Variants in COL23A1 observed in about 807,000 individuals in gnomAD.
COL23A1 encodes the protein collagen alpha-1(XXIII) chain.
In COL23A1, 97 loss-of-function variants were observed where a neutral mutation model predicts 99.3. The observed-to-expected ratio is 0.98, with a 90% CI of 0.83 to 1.16. COL23A1 has a LOEUF of 1.16. Among genes scored for constraint, COL23A1 ranks in the 50% most tolerant of loss-of-function variants. The probability of loss-of-function intolerance (pLI) is 0.00; values close to 1 mark genes in which losing one functional copy is unlikely to be tolerated. For missense variants in COL23A1, 762 were observed against 757.4 expected, an observed-to-expected ratio of 1.01 and a Z score of -0.07; for synonymous variants, 320 against 308.2, an observed-to-expected ratio of 1.04 and a Z score of -0.40.
At chr5:178,332,241 G>A (rs991422186) in intron 2 of COL23A1, among the ~76,000 whole-genome samples, 1 of 152,128 alleles carries the variant, frequency 6.6e-6, no homozygotes, top group Non-Finnish European at 1.5e-5. Context: ...CACAGCGCAA[G>A]CCCCACCTTC....
intron 1 of COL23A1, among the ~76,000 whole-genome samples, chr5:178,570,141 C>T (rs928923133): frequency 2.0e-4 from 30 of 147,068 alleles, no homozygotes; most frequent in Admixed American, 1.4e-3. Context: ...GAAACAGGGT[C>T]TTGCTCTGTC....
chr5:178,431,631 C>G (rs1766270764), intron 2 of COL23A1, among the ~76,000 whole-genome samples: 1 of 152,204 alleles, frequency 6.6e-6, no homozygotes. Context: ...GGAACGCTGG[C>G]AGCGGCCAGG....
chr5:178,279,511 C>T (rs765173065), intron 5 of COL23A1, among the ~76,000 whole-genome samples: 2 of 152,212 alleles, frequency 1.3e-5, no homozygotes, highest in Non-Finnish European at 2.9e-5. Flanking sequence ...CACCTTGCAG[C>T]GCCTGGTTCA....
chr5:178,283,371 C>T (rs904060876), intron 5 of COL23A1, among the ~76,000 whole-genome samples: 1 of 152,220 alleles, frequency 6.6e-6, no homozygotes, highest in African/African-American at 2.4e-5. Context: ...CTTGCTCCAA[C>T]TTCATGACCT....
chr5:178,540,841 C>T (rs1761245396), intron 2 of COL23A1, among the ~76,000 whole-genome samples: 1 of 152,284 alleles, frequency 6.6e-6, no homozygotes. Flanking sequence ...GTGGGAGGAT[C>T]GCCTGAGCTT....
chr5:178,300,819 C>T lies in COL23A1; in HGVS notation c.406+6056G>A, dbSNP rs189960408. ...CCTCATGTGATCCTCCTGCCTTGGC[C>T]TCCCAAAGTGCTGGGATTACAGGCG... On this transcript the variant is annotated intron_variant, in intron 3 of 28. Coordinates refer to ENST00000390654, the MANE Select transcript of COL23A1 (RefSeq NM_173465.4). Among the ~76,000 whole-genome samples the T allele has an allele frequency of 9.2e-5, 14 of 152,252 alleles. No homozygotes were observed. In the South Asian group the frequency reaches 1.5e-3, roughly 16 times the overall value.
intron 2 of COL23A1, among the ~76,000 whole-genome samples, chr5:178,435,651 T>C (rs1280403285): frequency 1.3e-5 from 2 of 152,274 alleles, no homozygotes; most frequent in South Asian, 2.1e-4. Context: ...GCAGAATTTC[T>C]GATGAGGAAA....
chr5:178,504,489 G>A (rs535845808), intron 2 of COL23A1, among the ~76,000 whole-genome samples: 20 of 152,262 alleles, frequency 1.3e-4, no homozygotes, highest in African/African-American at 4.1e-4. Flanking sequence ...CCCTGCACAG[G>A]AAAGGGCTGC....
intron 9 of COL23A1, among the ~76,000 whole-genome samples, 173 bp from the exon 10 acceptor site, chr5:178,262,425 T>C (rs902127083): frequency 8.5e-5 from 13 of 152,168 alleles, no homozygotes; most frequent in African/African-American, 3.1e-4. Flanking sequence ...AATGTTAGGC[T>C]GGGGAAGCCA....
chr5:178,272,567 C>T (rs1271016919), intron 5 of COL23A1, among the ~76,000 whole-genome samples: 2 of 152,020 alleles, frequency 1.3e-5, no homozygotes, highest in East Asian at 1.9e-4. Context: ...CTGGGGGCCC[C>T]GGGTCAGGGC....
intron 2 of COL23A1, among the ~76,000 whole-genome samples, chr5:178,324,891 TTC>T (rs1422731494): frequency 2.0e-5 from 3 of 152,158 alleles, no homozygotes. Flanking sequence ...ACATCCACAG[TTC>T]CTGCCCACCC....
intron 11 of COL23A1, among the ~76,000 whole-genome samples, chr5:178,260,805 A>G (rs1765584939): frequency 6.6e-6 from 1 of 152,160 alleles, no homozygotes; most frequent in Non-Finnish European, 1.5e-5. Flanking sequence ...AAAAAAAAAG[A>G]TAAAAGATCA....
At chr5:178,248,397 A>C in intron 19 of COL23A1, 143 bp from the exon 20 acceptor site, 1 of 605,476 alleles carries the variant, frequency 1.7e-6, no homozygotes, top group Non-Finnish European at 2.9e-6. Context: ...AGTTTTCCCT[A>C]CATCCATGTG....
chr5:178,239,111 G>C (rs73336873), intron 28 of COL23A1, 30 bp downstream of exon 28: 98,031 of 1,603,006 alleles, frequency 0.061, 3,226 homozygotes, highest in Non-Finnish European at 0.068. Flanking sequence ...CCTCTCCCAA[G>C]CCTGCCCTGG....
chr5:178,240,106 G>A (rs1055954632), intron 27 of COL23A1, among the ~76,000 whole-genome samples: 1 of 152,126 alleles, frequency 6.6e-6, no homozygotes, highest in Non-Finnish European at 1.5e-5. Flanking sequence ...GCTATCTAGC[G>A]GCACCTGTGG....
At chr5:178,271,639 C>T (rs1017401455) in intron 5 of COL23A1, among the ~76,000 whole-genome samples, 2 of 152,136 alleles carry the variant, frequency 1.3e-5, no homozygotes, top group South Asian at 2.1e-4. Context: ...AAAATGTGTG[C>T]GAAGTCAAAC....
At position 178,306,960 on chromosome 5, in the gene COL23A1, C is replaced by T. The variant is rs1033922534; in HGVS notation, c.362-41G>A. 3 of 1,435,412 alleles carry T rather than the reference C, an allele frequency of 2.1e-6. No homozygotes were observed. Among genetic ancestry groups the T allele is most frequent in the African/African-American group, 1.5e-5 (1 of 67,440 alleles). 88.9% of individuals were successfully genotyped at this position (1,435,412 alleles called of 1,614,324 possible). A position where few individuals can be genotyped will look rare whatever the true frequency, so the allele number is the denominator to read the frequency against. On this transcript the variant is annotated intron_variant, in intron 2 of 28. Coordinates refer to ENST00000390654, the MANE Select transcript of COL23A1 (RefSeq NM_173465.4). The surrounding 1 kb of genome is among the most constrained non-coding windows in gnomAD (Gnocchi z 4.1). ...AGAATGCATTCATTGAGAAGGGAAG[C>T]CAGTGGACTTGGCTGCGTGGGGCAT...
intron 3 of COL23A1, among the ~76,000 whole-genome samples, chr5:178,298,183 T>G (rs1333726993): frequency 6.6e-6 from 1 of 152,126 alleles, no homozygotes; most frequent in African/African-American, 2.4e-5. Flanking sequence ...AAGCATCTGA[T>G]GAAGTAGAGG....
chr5:178,562,645 G>C (rs984021591), intron 1 of COL23A1: 4 of 151,658 alleles, frequency 2.6e-5, no homozygotes, highest in Non-Finnish European at 4.4e-5. Flanking sequence ...GACACAAAGA[G>C]TGAGCAGCAA....
Sources: gnomAD v4.1 joint callset for allele counts (sites outside exome capture counted in the v4.1 genomes callset) on GRCh38, gnomAD v4.1.1 for gene constraint, Gnocchi (gnomAD v3.1) non-coding constraint, MANE v1.5 for transcripts, NCBI Gene and HGNC (gene_info 2026-07-23, HGNC 2026-07-21) for gene names.